Variants in SMARCB1 observed in about 807,000 individuals in gnomAD.
SMARCB1 encodes the protein SWI/SNF related BAF chromatin remodeling complex subunit B1.
SMARCB1 carries 5 observed loss-of-function variants against 49.0 expected under a neutral mutation model. The observed-to-expected ratio is 0.10, with a 90% confidence interval of 0.05 to 0.21. The LOEUF (loss-of-function observed/expected upper bound fraction) is 0.21, where lower values mean the gene tolerates loss of function less well. Among genes scored for constraint, SMARCB1 ranks in the 10% least tolerant of loss-of-function variants. The pLI is 1.00. For missense variants in SMARCB1, 226 were observed against 509.2 expected (o/e 0.44, Z 5.35); for synonymous variants, 201 against 200.1 (o/e 1.00, Z -0.04).
Position 23,820,049 on chromosome 22 carries a change from C to T in SMARCB1, c.795+3113C>T, listed in dbSNP as rs111696978. Among the ~76,000 whole-genome samples the T allele has an allele frequency of 7.5e-3, 1,139 of 152,042 alleles. 14 individuals carry two copies. The highest frequency in any genetic ancestry group is 0.026 in the African/African-American group (1,087 of 41,502). On this transcript the variant is annotated intron_variant, in intron 6 of 8. Coordinates refer to ENST00000644036, the MANE Select transcript of SMARCB1 (RefSeq NM_003073.5). ...CTCATCATATTGACCAGGCTGGTCT[C>T]GAACTCCCGACCACAGGTGATCCAC...
At chr22:23,805,615 C>T (rs968123333) in intron 5 of SMARCB1, among the ~76,000 whole-genome samples, 18 of 152,154 alleles carry the variant, frequency 1.2e-4, no homozygotes, top group African/African-American at 3.9e-4. Context: ...AAGTGATTCT[C>T]CTGCCTCAGC....
At chr22:23,807,765 A>G (rs945005239) in intron 5 of SMARCB1, among the ~76,000 whole-genome samples, 15 of 151,638 alleles carry the variant, frequency 9.9e-5, no homozygotes, top group Admixed American at 7.3e-4. Context: ...TAGGGAAAAG[A>G]CAATAAGAAT....
At chr22:23,818,140 GTGTGTGTGTGTGTGTGTGTGTGTGT>G (rs2029886654) in intron 6 of SMARCB1, 2 of 50,456 alleles carry the variant, frequency 4.0e-5, no homozygotes, top group African/African-American at 1.0e-4. Flanking sequence ...TACTTTGGGT[GTGTGTGTGTGTGTGTGTGTGTGTGT>G]GTGTGTGTGT....
chr22:23,837,282 C>A lies in SMARCB1; in HGVS notation c.*3102C>A. 2 of 1,233,932 alleles carry A rather than the reference C, an allele frequency of 1.6e-6. No homozygotes were observed. Among genetic ancestry groups the A allele is most frequent in the Non-Finnish European group, 1.1e-6 (1 of 881,066 alleles). The allele number at this position is 1,233,932 out of a possible 1,614,324, so 76.4% of individuals were successfully genotyped here. On this transcript the variant is annotated 3_prime_UTR_variant, in exon 9 of 9. Transcript: ENST00000644036. ...GCCCCACAGCATGAGTGCCCCAAAG[C>A]CTTGCACAGAGTGCCAGCCCCGGGT...
chr22:23,804,444 T>A (rs1344994903), intron 5 of SMARCB1: 2 of 152,238 alleles, frequency 1.3e-5, no homozygotes, highest in African/African-American at 2.4e-5. Context: ...AGTTTTACCT[T>A]TTCTGTCAAT....
intron 3 of SMARCB1, among the ~76,000 whole-genome samples, chr22:23,800,256 A>G (rs1399547198): frequency 6.6e-6 from 1 of 152,226 alleles, no homozygotes; most frequent in East Asian, 1.9e-4. Flanking sequence ...GAAAAGATCA[A>G]ACGCTTCATG....
intron 7 of SMARCB1, among the ~76,000 whole-genome samples, chr22:23,829,165 G>T (rs2030532282): frequency 6.6e-6 from 1 of 152,202 alleles, no homozygotes; most frequent in South Asian, 2.1e-4. Context: ...CCTGGCCAGG[G>T]ACGGGAGGAG....
intron 5 of SMARCB1, chr22:23,804,442 C>T (rs9620326): frequency 0.17 from 25,847 of 152,176 alleles, 2,399 homozygotes; most frequent in African/African-American, 0.24. Context: ...TCAGTTTTAC[C>T]TTTTCTGTCA....
intron 7 of SMARCB1, chr22:23,825,833 G>A: frequency 5.4e-6 from 1 of 183,592 alleles, no homozygotes; most frequent in Non-Finnish European, 1.2e-5. Flanking sequence ...AAACACAAAG[G>A]CCCGCCCAGC....
chr22:23,794,416 C>T (rs1928613921), intron 3 of SMARCB1, among the ~76,000 whole-genome samples: 1 of 152,170 alleles, frequency 6.6e-6, no homozygotes, highest in African/African-American at 2.4e-5. Flanking sequence ...GGCACAGTGG[C>T]TTATGTTTGT....
chr22:23,810,079 G>T (rs1228486195), intron 5 of SMARCB1, among the ~76,000 whole-genome samples: 1 of 151,694 alleles, frequency 6.6e-6, no homozygotes, highest in Non-Finnish European at 1.5e-5. Flanking sequence ...GGCTGAGGCA[G>T]GAGTATCACT....
intron 3 of SMARCB1, among the ~76,000 whole-genome samples, chr22:23,797,000 CTTTTTTTT>C (rs1166157626): frequency 7.4e-6 from 1 of 135,396 alleles, no homozygotes; most frequent in Admixed American, 7.3e-5. Context: ...GGTTGTTTTT[CTTTTTTTT>C]TTTTTTTTTG....
intron 7 of SMARCB1, among the ~76,000 whole-genome samples, chr22:23,829,252 G>A (rs1321481973): frequency 6.6e-6 from 1 of 152,248 alleles, no homozygotes; most frequent in Non-Finnish European, 1.5e-5. Context: ...AAGCACCGGA[G>A]GCTGTGGGCA....
rs1326454227 is a variant in SMARCB1 at position 23,801,101 on chromosome 22, C to T, written c.500+20C>T. ...CCTTTGGTGTGGATGCATCGCTGCA[C>T]TCACCCTCCGTGCTGATTCCGCCTT... On this transcript the variant is annotated intron_variant, in intron 4 of 8. Coordinates refer to ENST00000644036, the MANE Select transcript of SMARCB1 (RefSeq NM_003073.5). The T allele has an allele frequency of 1.2e-6, 2 of 1,614,106 alleles. No individual in the cohort carries two copies. The highest frequency in any genetic ancestry group is 2.7e-5 in the African/African-American group (2 of 74,934).
intron 5 of SMARCB1, chr22:23,815,654 C>T (rs1291814948): frequency 4.6e-5 from 7 of 152,120 alleles, no homozygotes; most frequent in Admixed American, 2.6e-4. Context: ...TTTATAATAG[C>T]GGGAAACTGG....
intron 3 of SMARCB1, among the ~76,000 whole-genome samples, chr22:23,797,893 A>G (rs1171508049): frequency 6.6e-6 from 1 of 152,142 alleles, no homozygotes; most frequent in Non-Finnish European, 1.5e-5. Flanking sequence ...TGTCGGGGTT[A>G]CAGGTGTGAA....
intron 5 of SMARCB1, chr22:23,804,135 C>T (rs1406850716): frequency 6.6e-6 from 1 of 151,680 alleles, no homozygotes; most frequent in East Asian, 1.9e-4. Context: ...TGTCTGTATC[C>T]TGCTGAATTT....
chr22:23,787,944 A>G lies in SMARCB1; in HGVS notation c.93+682A>G, dbSNP rs116631662. ...GCCTAAGGATGTTTAACCCTTAACT[A>G]GAGTGGCTGCATTTTGTTGCATCAA... On this transcript the variant is annotated intron_variant, in intron 1 of 8. Transcript: ENST00000644036. 6.1e-3 allele frequency among the ~76,000 whole-genome samples: 923 copies of G among 152,344 alleles called. 10 individuals are homozygous for G. The highest frequency in any genetic ancestry group is 0.021 in the African/African-American group (878 of 41,590).
chr22:23,821,712 G>A (rs1204071736), intron 6 of SMARCB1, among the ~76,000 whole-genome samples: 9 of 151,948 alleles, frequency 5.9e-5, no homozygotes, highest in South Asian at 2.1e-4. Context: ...TTAGCTGGGC[G>A]TGGTGGCACG....
Sources: allele counts gnomAD v4.1 joint callset (sites outside exome capture counted in the v4.1 genomes callset), GRCh38; gene constraint gnomAD v4.1.1; transcripts MANE v1.5; gene names NCBI Gene and HGNC (gene_info 2026-07-23, HGNC 2026-07-21).